The following MRAP2 variants were observed in gnomAD, a reference collection of about 807,000 sequenced individuals.
MRAP2 encodes the protein melanocortin 2 receptor accessory protein 2, also known as melanocortin-2 receptor accessory protein 2.
In MRAP2, 20 loss-of-function variants were observed where a neutral mutation model predicts 17.4. The observed-to-expected ratio is 1.15, with a 90% CI of 0.81 to 1.67. The LOEUF (loss-of-function observed/expected upper bound fraction) is 1.67. Ranked by LOEUF, MRAP2 falls within the 40% of genes most tolerant of loss-of-function variation. The pLI, the probability that MRAP2 is intolerant of heterozygous loss-of-function variation, is 0.00. For missense variants in MRAP2, 238 were observed against 240.0 expected, an observed-to-expected ratio of 0.99 and a Z score of 0.05; for synonymous variants, 96 against 88.4, an observed-to-expected ratio of 1.09 and a Z score of -0.48.
the MRAP2 span, among the ~76,000 whole-genome samples, chr6:84,119,398 C>T: frequency 1.3e-5 from 2 of 152,170 alleles, no homozygotes; most frequent in Non-Finnish European, 2.9e-5. Context: ...CCACTTTTAA[C>T]AGTAGACACC....
intron 1 of MRAP2, among the ~76,000 whole-genome samples, chr6:84,046,345 C>T (rs1396997212): frequency 6.6e-6 from 1 of 152,106 alleles, no homozygotes; most frequent in Non-Finnish European, 1.5e-5. Flanking sequence ...AATTAGGGTG[C>T]TTCCTTTTTG....
rs1430254742 is a variant in MRAP2 at position 84,052,026 on chromosome 6, CT to C, written c.-7-3282del. ...GATGCAGTCCTAATCTTCATTTTTGCTTTTGTTGGCAGTGATGCTTTCAGCT... is the reference window on the plus strand; with the variant it reads ...GATGCAGTCCTAATCTTCATTTTTGCTTTGTTGGCAGTGATGCTTTCAGCT... On this transcript the variant is annotated intron_variant, in intron 1 of 3. Coordinates refer to ENST00000257776, the MANE Select transcript of MRAP2 (RefSeq NM_138409.4). Among the ~76,000 whole-genome samples the C allele has an allele frequency of 2.0e-5, 3 of 152,200 alleles. No homozygotes were observed. The East Asian group carries it at 5.8e-4, about 29-fold the overall frequency.
intron 2 of MRAP2, among the ~76,000 whole-genome samples, chr6:84,059,641 G>C (rs187699366): frequency 6.6e-6 from 1 of 152,194 alleles, no homozygotes; most frequent in Non-Finnish European, 1.5e-5. Flanking sequence ...GGTTAAGGGG[G>C]GTTACTTTAT....
intron 1 of MRAP2, among the ~76,000 whole-genome samples, 195 bp downstream of exon 1, chr6:84,034,078 A>C (rs2099485294): frequency 6.6e-6 from 1 of 151,598 alleles, no homozygotes; most frequent in African/African-American, 2.4e-5. Context: ...GACCCCGTGG[A>C]GAGCACCAAG....
At chr6:84,040,350 G>A (rs566532128) in intron 1 of MRAP2, among the ~76,000 whole-genome samples, 1 of 152,304 alleles carries the variant, frequency 6.6e-6, no homozygotes, top group South Asian at 2.1e-4. Context: ...GTCTTTATTG[G>A]CAGCATGAGA....
Position 84,055,328 on chromosome 6 carries a change from C to T in MRAP2, c.10C>T (p.Gln4Ter). MSA[Q>*]RLISNRTSQQ... ...TTTGTGCAGGTCGGAGATGTCCGCC[C>T]AGAGGTTAATTTCTAACAGAACCTC... The change falls in exon 2 of 4, where the codon CAG (glutamine) becomes TAG (stop). Residue 4 changes from glutamine to a stop codon, truncating the protein, a stop_gained. Transcript: ENST00000257776. LOFTEE classifies it high-confidence loss of function. 1 of 1,613,260 alleles carries T rather than the reference C, an allele frequency of 6.2e-7. No homozygotes were observed. Among genetic ancestry groups the T allele is most frequent in the Non-Finnish European group, 8.5e-7 (1 of 1,179,838 alleles).
intron 1 of MRAP2, among the ~76,000 whole-genome samples, chr6:84,046,469 C>T (rs1377046383): frequency 1.3e-5 from 2 of 152,116 alleles, no homozygotes; most frequent in East Asian, 1.9e-4. Context: ...ACAGGTACAA[C>T]AGAAGGTAAA....
At chr6:84,034,230 C>T (rs965508239) in intron 1 of MRAP2, among the ~76,000 whole-genome samples, 35 of 152,206 alleles carry the variant, frequency 2.3e-4, no homozygotes, top group Middle Eastern at 3.4e-3. Flanking sequence ...CCCTTTCCCG[C>T]TGGTGAGAAA....
intron 1 of MRAP2, among the ~76,000 whole-genome samples, chr6:84,053,114 A>T (rs1195257262): frequency 6.6e-6 from 1 of 152,172 alleles, no homozygotes; most frequent in Non-Finnish European, 1.5e-5. Flanking sequence ...GTGTGCTGAC[A>T]TTGAGAACTG....
chr6:84,063,094 A>AG (rs1437845352), intron 3 of MRAP2, 102 bp downstream of exon 3: 31 of 1,555,588 alleles, frequency 2.0e-5, no homozygotes, highest in Non-Finnish European at 7.8e-6. Flanking sequence ...GATGAAGAGA[A>AG]GGGGGTGGTT....
chr6:84,069,149 GGTGGGAGTAGGCA>G (rs2099495552), intron 3 of MRAP2, among the ~76,000 whole-genome samples: 1 of 151,822 alleles, frequency 6.6e-6, no homozygotes, highest in South Asian at 2.1e-4. Flanking sequence ...GAAGAGGAGT[GGTGGGAGTAGGCA>G]TCCTTGTCTT....
At chr6:84,136,941 TGAA>T in the MRAP2 span, among the ~76,000 whole-genome samples, 1 of 152,208 alleles carries the variant, frequency 6.6e-6, no homozygotes, top group Admixed American at 6.5e-5. Flanking sequence ...TTGTATGAAC[TGAA>T]ATACTTCATA....
At chr6:84,120,085 G>C in the MRAP2 span, among the ~76,000 whole-genome samples, 2 of 152,182 alleles carry the variant, frequency 1.3e-5, no homozygotes, top group Non-Finnish European at 2.9e-5. Context: ...CTGAGAACCT[G>C]GGGGACACTC....
intron 3 of MRAP2, among the ~76,000 whole-genome samples, chr6:84,071,716 A>G (rs1160396949): frequency 3.3e-5 from 5 of 152,150 alleles, no homozygotes; most frequent in Non-Finnish European, 5.9e-5. Context: ...AGGAACACCA[A>G]TTATCCTTAG....
At chr6:84,035,069 G>A (rs1034974065) in intron 1 of MRAP2, among the ~76,000 whole-genome samples, 2 of 152,160 alleles carry the variant, frequency 1.3e-5, no homozygotes, top group Admixed American at 1.3e-4. Context: ...CAGTGTTTAT[G>A]GAAGAATAGA....
At chr6:84,096,627 G>A in the MRAP2 span, among the ~76,000 whole-genome samples, 1,342 of 152,300 alleles carry the variant, frequency 8.8e-3, 24 homozygotes, top group African/African-American at 0.03. Flanking sequence ...TTTATTGTAG[G>A]TGAGCTATAA....
chr6:84,036,663 G>C (rs988227596), intron 1 of MRAP2, among the ~76,000 whole-genome samples: 27 of 152,134 alleles, frequency 1.8e-4, no homozygotes, highest in African/African-American at 5.1e-4. Flanking sequence ...CAGTGTGGAA[G>C]GGGACCTGAG....
the MRAP2 span, among the ~76,000 whole-genome samples, chr6:84,143,521 G>A: frequency 1.2e-4 from 18 of 151,878 alleles, no homozygotes; most frequent in African/African-American, 3.6e-4. Context: ...TTTCGTTAAG[G>A]GAAAAAATAA....
rs1370892798 is a variant in MRAP2 at position 84,033,788 on chromosome 6, GC to G, written c.-102del. ...CTAGGAGCTACTCGCCCGGCCCTGG[GC>G]GGTGGGAGGCGGCGGCGGCGGCGGC... On this transcript the variant is annotated 5_prime_UTR_variant, in exon 1 of 4. Transcript: ENST00000257776. 6 of 987,068 alleles carry G rather than the reference GC, an allele frequency of 6.1e-6. No individual in the cohort carries two copies. The East Asian group carries it at 6.8e-4, about 112-fold the overall frequency. The allele number at this position is 987,068 out of a possible 1,614,324, so 61.1% of individuals were successfully genotyped here.
Sources: allele counts gnomAD v4.1 joint callset (sites outside exome capture counted in the v4.1 genomes callset), GRCh38; gene constraint gnomAD v4.1.1; transcripts MANE v1.5; gene names NCBI Gene and HGNC (gene_info 2026-07-23, HGNC 2026-07-21).